FBXO36: variants seen among roughly 807,000 people sequenced by gnomAD.
The protein encoded by FBXO36 is F-box protein 36, also known as F-box only protein 36.
FBXO36 carries 18 observed loss-of-function variants against 17.0 expected under a neutral mutation model. The observed-to-expected ratio is 1.06, with a 90% confidence interval of 0.73 to 1.57. The LOEUF (loss-of-function observed/expected upper bound fraction) is 1.57, where lower values mean the gene tolerates loss of function less well. FBXO36 is among the 40% of genes most tolerant of loss of function. FBXO36 has a pLI of 0.00. For missense variants in FBXO36, 229 were observed against 221.9 expected, an observed-to-expected ratio of 1.03 and a Z score of -0.20; for synonymous variants, 83 against 85.3, an observed-to-expected ratio of 0.97 and a Z score of 0.15.
At position 229,996,869 on chromosome 2, in the gene FBXO36, T is replaced by C. The variant is rs2077330311; in HGVS notation, c.324T>C (p.Tyr108=). Residue 108 remains tyrosine (Y), a synonymous_variant, in exon 3 of 4, where the codon TAT becomes TAC. Transcript: ENST00000283946. ...SDDLLLTIIS[Y]LDLEDIARLC... is the part of the protein sequence containing the mutation. Reference sequence around the variant, plus strand: ...ATTTGCTCCTGACTATCATTTCTTATCTGGATCTTGAAGATATTGCCAGGC... The same window carrying C: ...ATTTGCTCCTGACTATCATTTCTTACCTGGATCTTGAAGATATTGCCAGGC... 2 of 1,614,116 alleles carry C rather than the reference T, an allele frequency of 1.2e-6. No individual in the cohort carries two copies. The highest frequency in any genetic ancestry group is 1.7e-6 in the Non-Finnish European group (2 of 1,180,000).
intron 1 of FBXO36, among the ~76,000 whole-genome samples, chr2:229,964,117 C>T: frequency 6.6e-6 from 1 of 151,684 alleles, no homozygotes; most frequent in Admixed American, 6.6e-5. Flanking sequence ...AGGGAGATTG[C>T]CTGTTTGTCT....
Position 229,939,109 on chromosome 2 carries a change from A to G in FBXO36, c.96+16500A>G, listed in dbSNP as rs571861556. On this transcript the variant is annotated intron_variant, in intron 1 of 3. Coordinates refer to ENST00000283946, the MANE Select transcript of FBXO36 (RefSeq NM_174899.5). ...GCTCTTGTTGCCCAGGCTGGAGTGC[A>G]ATGGCGCCATCTTGGCTCACCGCAA... 6 of 232,492 alleles carry G rather than the reference A, an allele frequency of 2.6e-5. No homozygotes were observed. In the South Asian group the frequency reaches 8.1e-4, roughly 31 times the overall value. The allele number at this position is 232,492 out of a possible 1,614,324, so 14.4% of individuals were successfully genotyped here.
intron 1 of FBXO36, among the ~76,000 whole-genome samples, chr2:229,949,538 T>TACACACAC (rs56048655): frequency 0.036 from 5,386 of 149,480 alleles, 165 homozygotes; most frequent in Admixed American, 0.088. Flanking sequence ...GTAAAATGTA[T>TACACACAC]ACACACACAC....
chr2:229,970,350 T>A (rs1402100627), intron 1 of FBXO36, among the ~76,000 whole-genome samples: 1 of 152,104 alleles, frequency 6.6e-6, no homozygotes, highest in Non-Finnish European at 1.5e-5. Flanking sequence ...TGAGATGCTA[T>A]CTCTATTTAA....
intron 1 of FBXO36, among the ~76,000 whole-genome samples, chr2:229,971,944 C>G (rs1176226311): frequency 6.6e-6 from 1 of 150,514 alleles, no homozygotes; most frequent in Non-Finnish European, 1.5e-5. Flanking sequence ...TCCCAAAGTG[C>G]TGGGATTGCA....
At chr2:229,926,132 A>AC (rs2076910753) in intron 1 of FBXO36, among the ~76,000 whole-genome samples, 2 of 151,026 alleles carry the variant, frequency 1.3e-5, no homozygotes, top group South Asian at 4.2e-4. Flanking sequence ...TCTTAAAAAA[A>AC]AAAAAAAAAA....
chr2:229,932,294 A>T (rs907389458), intron 1 of FBXO36, among the ~76,000 whole-genome samples: 11 of 151,688 alleles, frequency 7.3e-5, no homozygotes, highest in Admixed American at 5.9e-4. Context: ...GCTGACGCGG[A>T]TGGATCACCT....
rs180892388 is a variant in FBXO36, at chr2:229,926,151, G to T, written c.96+3542G>T. Among the ~76,000 whole-genome samples, 1,405 of 149,722 alleles carry T rather than the reference G, an allele frequency of 9.4e-3. 19 individuals carry two copies. The highest frequency in any genetic ancestry group is 0.032 in the African/African-American group (1,301 of 40,592). On this transcript the variant is annotated intron_variant, in intron 1 of 3. Coordinates refer to ENST00000283946, the MANE Select transcript of FBXO36 (RefSeq NM_174899.5). The stretch of plus-strand genomic sequence containing the variant: ...AAAAAAAAAAAAAAAAAAAAGGGGG[G>T]GCTGAGCACAGCTCATGCCTGTAAT...
intron 2 of FBXO36, among the ~76,000 whole-genome samples, chr2:229,981,608 G>A (rs555849052): frequency 3.7e-3 from 557 of 151,166 alleles, no homozygotes; most frequent in Non-Finnish European, 5.8e-3. Context: ...AGGCTGAGGT[G>A]GAAGGATCAC....
At chr2:230,010,384 G>A (rs966835400) in intron 3 of FBXO36, among the ~76,000 whole-genome samples, 4 of 152,236 alleles carry the variant, frequency 2.6e-5, no homozygotes, top group Admixed American at 2.0e-4. Flanking sequence ...CCGCAGTGGG[G>A]TGGGGGTGAA....
At chr2:230,004,047 G>A (rs781421123) in intron 3 of FBXO36, among the ~76,000 whole-genome samples, 17 of 152,166 alleles carry the variant, frequency 1.1e-4, no homozygotes, top group Non-Finnish European at 1.6e-4. Context: ...GCACAGCCAC[G>A]GGGCCCTTGC....
intron 1 of FBXO36, 23 bp downstream of exon 1, chr2:229,922,632 C>G (rs1439945501): frequency 6.2e-7 from 1 of 1,612,082 alleles, no homozygotes; most frequent in Non-Finnish European, 8.5e-7. Flanking sequence ...CGCGGTTTAC[C>G]CTCTCTCCTA....
intron 1 of FBXO36, among the ~76,000 whole-genome samples, chr2:229,931,015 A>T (rs73103544): frequency 0.054 from 8,218 of 152,178 alleles, 745 homozygotes; most frequent in African/African-American, 0.19. Flanking sequence ...TGATTCCCAA[A>T]CATTGTGTCT....
At chr2:229,975,259 T>C (rs1374255569) in intron 1 of FBXO36, among the ~76,000 whole-genome samples, 1 of 152,144 alleles carries the variant, frequency 6.6e-6, no homozygotes, top group Non-Finnish European at 1.5e-5. Context: ...ATAATGATGC[T>C]TTCCCTATCT....
intron 1 of FBXO36, among the ~76,000 whole-genome samples, chr2:229,938,755 CT>C (rs57331069): frequency 0.31 from 34,901 of 111,052 alleles, 4,989 homozygotes; most frequent in Admixed American, 0.41. Flanking sequence ...CCCAAAAAAC[CT>C]TTTTTTTTTT....
intron 2 of FBXO36, among the ~76,000 whole-genome samples, chr2:229,979,332 A>C (rs532590198): frequency 6.6e-6 from 1 of 151,304 alleles, no homozygotes; most frequent in South Asian, 2.1e-4. Context: ...ACTCCATATA[A>C]ATATATATAG....
intron 2 of FBXO36, among the ~76,000 whole-genome samples, chr2:229,990,059 T>A (rs2077290683): frequency 6.6e-6 from 1 of 151,900 alleles, no homozygotes; most frequent in African/African-American, 2.4e-5. Context: ...CGCTTTCTCA[T>A]TGTGTGATCC....
chr2:229,992,693 G>A (rs553342536), intron 2 of FBXO36, among the ~76,000 whole-genome samples: 21 of 152,148 alleles, frequency 1.4e-4, no homozygotes, highest in Non-Finnish European at 2.4e-4. Context: ...ATCCCAAAAC[G>A]TAATGACTTA....
chr2:229,939,996 G>C (rs1260300138), intron 1 of FBXO36, among the ~76,000 whole-genome samples: 1 of 152,026 alleles, frequency 6.6e-6, no homozygotes, highest in Non-Finnish European at 1.5e-5. Context: ...TGGGAGGATT[G>C]CTTAAGCCCG....
Sources: gnomAD v4.1 joint callset for allele counts (sites outside exome capture counted in the v4.1 genomes callset) on GRCh38, gnomAD v4.1.1 for gene constraint, MANE v1.5 for transcripts, NCBI Gene and HGNC (gene_info 2026-07-23, HGNC 2026-07-21) for gene names.